Variants in MND1 observed in about 807,000 individuals in gnomAD.
MND1 encodes meiotic nuclear division protein 1 homolog.
MND1 carries 28 observed loss-of-function variants against 35.1 expected under a neutral mutation model. The observed-to-expected ratio is 0.80, with a 90% CI of 0.59 to 1.09. MND1 has a LOEUF of 1.09. MND1 is among the 50% of genes least tolerant of loss of function. The pLI is 0.00. For missense variants in MND1, 213 were observed against 239.6 expected, an observed-to-expected ratio of 0.89 and a Z score of 0.73; for synonymous variants, 69 against 70.5, an observed-to-expected ratio of 0.98 and a Z score of 0.11.
intron 6 of MND1, among the ~76,000 whole-genome samples, chr4:153,397,659 A>C (rs973624989): frequency 6.7e-6 from 1 of 150,080 alleles, no homozygotes; most frequent in East Asian, 1.9e-4. Flanking sequence ...TCTACAAAAA[A>C]AAAACACAAA....
chr4:153,399,890 A>ATT (rs34815482), intron 6 of MND1, among the ~76,000 whole-genome samples: 5 of 71,114 alleles, frequency 7.0e-5, no homozygotes, highest in Admixed American at 2.1e-4. Context: ...TTTCAGTGAG[A>ATT]TTTTTTTTTT....
At chr4:153,365,425 T>G (rs1325373195) in intron 4 of MND1, among the ~76,000 whole-genome samples, 1 of 152,232 alleles carries the variant, frequency 6.6e-6, no homozygotes, top group Non-Finnish European at 1.5e-5. Flanking sequence ...CTATCTGTTG[T>G]GTGTTAGATA....
At chr4:153,402,616 A>C (rs1376668299) in intron 6 of MND1, among the ~76,000 whole-genome samples, 2 of 152,180 alleles carry the variant, frequency 1.3e-5, no homozygotes, top group African/African-American at 4.8e-5. Flanking sequence ...AGAGGAACAA[A>C]ATGCCCCTGG....
At position 153,350,143 on chromosome 4, in the gene MND1, T is replaced by G; in HGVS notation, c.69+14T>G. Reference sequence around the variant, plus strand: ...TTTTCTGAAACAGTAAGTCATTTTCTTTAACACTTATAATTTTGTGTAATT... The same window carrying G: ...TTTTCTGAAACAGTAAGTCATTTTCGTTAACACTTATAATTTTGTGTAATT... On this transcript the variant is annotated intron_variant, in intron 2 of 7. Coordinates refer to ENST00000240488, the MANE Select transcript of MND1 (RefSeq NM_032117.4). The G allele has an allele frequency of 6.4e-7, 1 of 1,573,952 alleles. No individual in the cohort carries two copies. Among genetic ancestry groups the G allele is most frequent in the Non-Finnish European group, 8.7e-7 (1 of 1,150,484 alleles).
At chr4:153,367,511 A>G (rs1395352409) in intron 4 of MND1, among the ~76,000 whole-genome samples, 1 of 152,228 alleles carries the variant, frequency 6.6e-6, no homozygotes, top group South Asian at 2.1e-4. Flanking sequence ...TGGCCAAATA[A>G]TACTCTGTTG....
intron 4 of MND1, among the ~76,000 whole-genome samples, chr4:153,378,048 C>G (rs1728560859): frequency 1.3e-5 from 2 of 152,174 alleles, no homozygotes; most frequent in Non-Finnish European, 1.5e-5. Flanking sequence ...CGTTTTCTAT[C>G]TCCCACGTGG....
rs776733204 is a variant in MND1 at position 153,414,863 on chromosome 4, T to G, written c.*6T>G. On this transcript the variant is annotated 3_prime_UTR_variant, in exon 8 of 8. Coordinates refer to ENST00000240488, the MANE Select transcript of MND1 (RefSeq NM_032117.4). ...ACTTTGACTACATAGACTAAAATAT[T>G]CCATGGTGGTGAAGGATGTACAAGC... The G allele has an allele frequency of 3.3e-6, 4 of 1,228,610 alleles. No individual in the cohort carries two copies. The highest frequency in any genetic ancestry group is 3.4e-6 in the Non-Finnish European group (3 of 870,038). The allele number at this position is 1,228,610 out of a possible 1,614,324, so 76.1% of individuals were successfully genotyped here. A position where few individuals can be genotyped will look rare whatever the true frequency, so the allele number is the denominator to read the frequency against.
At chr4:153,381,685 T>TA (rs1561068542) in intron 4 of MND1, 2 of 25,696 alleles carry the variant, frequency 7.8e-5, no homozygotes, top group African/African-American at 1.6e-4. Context: ...TATATATATA[T>TA]ATATATATTT....
intron 6 of MND1, among the ~76,000 whole-genome samples, chr4:153,407,151 A>G (rs1404154386): frequency 6.6e-6 from 1 of 152,196 alleles, no homozygotes; most frequent in Non-Finnish European, 1.5e-5. Flanking sequence ...ACCCATTAGG[A>G]TGGCTATAAT....
chr4:153,344,828 G>A, intron 1 of MND1, 88 bp downstream of exon 1: 1 of 1,544,066 alleles, frequency 6.5e-7, no homozygotes, highest in Non-Finnish European at 8.7e-7. Context: ...TCCCGGCCTG[G>A]CGTTGACCGC....
intron 4 of MND1, among the ~76,000 whole-genome samples, chr4:153,371,426 T>G (rs1773786871): frequency 6.6e-6 from 1 of 152,130 alleles, no homozygotes; most frequent in Admixed American, 6.5e-5. Context: ...CCCTGAAAAT[T>G]TTTTGTTTAG....
chr4:153,370,596 T>A (rs1358103859), intron 4 of MND1, among the ~76,000 whole-genome samples: 1 of 152,048 alleles, frequency 6.6e-6, no homozygotes, highest in African/African-American at 2.4e-5. Flanking sequence ...CCTAGCTCAC[T>A]GCAACCTCCG....
intron 3 of MND1, among the ~76,000 whole-genome samples, chr4:153,356,198 C>T (rs1773334216): frequency 6.6e-6 from 1 of 152,124 alleles, no homozygotes; most frequent in South Asian, 2.1e-4. Context: ...GACAGGCATC[C>T]TTCTACATAT....
At chr4:153,355,264 G>A (rs1032956303) in intron 2 of MND1, among the ~76,000 whole-genome samples, 8 of 152,036 alleles carry the variant, frequency 5.3e-5, no homozygotes, top group African/African-American at 1.9e-4. Flanking sequence ...TTTCTAATAA[G>A]CTCTAAAATG....
At chr4:153,414,391 C>G (rs896945045) in intron 7 of MND1, among the ~76,000 whole-genome samples, 2 of 151,946 alleles carry the variant, frequency 1.3e-5, no homozygotes, top group Non-Finnish European at 2.9e-5. Flanking sequence ...AAACGATTCT[C>G]CTGCCTCAGC....
rs1729340972 is a variant in MND1, at chr4:153,401,260, T to A, written c.466+3927T>A. Among the ~76,000 whole-genome samples, 4 of 152,012 alleles carry A rather than the reference T, an allele frequency of 2.6e-5. 1 individual carries two copies. The South Asian group carries it at 8.3e-4, about 32-fold the overall frequency. ...TCCCATATAAATAAAATAAAAATTT[T>A]AAAAATATGAAAATGGCATCTGAGC... is the stretch of plus-strand genomic sequence containing the variant. On this transcript the variant is annotated intron_variant, in intron 6 of 7. Coordinates refer to ENST00000240488, the MANE Select transcript of MND1 (RefSeq NM_032117.4).
At chr4:153,387,648 C>T (rs766579229) in intron 4 of MND1, among the ~76,000 whole-genome samples, 37 of 152,096 alleles carry the variant, frequency 2.4e-4, no homozygotes, top group Non-Finnish European at 4.6e-4. Context: ...TACCTGTAGT[C>T]GTAGCTACTC....
At chr4:153,373,171 A>G (rs1773833085) in intron 4 of MND1, among the ~76,000 whole-genome samples, 1 of 152,076 alleles carries the variant, frequency 6.6e-6, no homozygotes. Context: ...GGGTGTCTAG[A>G]CCATTTACAT....
intron 4 of MND1, among the ~76,000 whole-genome samples, chr4:153,369,244 T>C (rs907049765): frequency 2.0e-5 from 3 of 152,198 alleles, no homozygotes; most frequent in African/African-American, 4.8e-5. Flanking sequence ...AGCAAGCTCA[T>C]GTGTGAGAGT....
Sources: gnomAD v4.1 joint callset for allele counts (sites outside exome capture counted in the v4.1 genomes callset) on GRCh38, gnomAD v4.1.1 for gene constraint, MANE v1.5 for transcripts, NCBI Gene and HGNC (gene_info 2026-07-23, HGNC 2026-07-21) for gene names.